Variants in STAB2 observed in about 807,000 individuals in gnomAD.
The protein encoded by STAB2 is stabilin-2.
Under a neutral mutation model 338.1 loss-of-function variants are expected in STAB2, and 288 were observed. The observed-to-expected ratio is 0.85, with a 90% CI of 0.77 to 0.94. The LOEUF (loss-of-function observed/expected upper bound fraction) is 0.94. STAB2 is among the 40% of genes least tolerant of loss of function. STAB2 has a pLI of 0.00. For missense variants in STAB2, 3,141 were observed against 3,210.1 expected (o/e 0.98, Z 0.52); for synonymous variants, 1,202 against 1,193.3 (o/e 1.01, Z -0.15).
chr12:103,695,971 A>G (rs183375086), intron 33 of STAB2, 127 bp downstream of exon 33: 384 of 865,852 alleles, frequency 4.4e-4, no homozygotes, highest in Middle Eastern at 2.7e-3. Flanking sequence ...CTTGACGTAG[A>G]CTGGTGCAGA....
chr12:103,683,754 G>GA (rs1877145554), intron 26 of STAB2, among the ~76,000 whole-genome samples: 1 of 152,204 alleles, frequency 6.6e-6, no homozygotes, highest in African/African-American at 2.4e-5. Context: ...AGTTATCGGT[G>GA]AAAATGCCCA....
chr12:103,594,618 G>A, intron 3 of STAB2, 108 bp downstream of exon 3: 1 of 908,272 alleles, frequency 1.1e-6, no homozygotes, highest in Admixed American at 2.1e-5. Context: ...ACATCCGTTT[G>A]TAGAAATTTC....
chr12:103,734,036 G>T (rs767282155), intron 51 of STAB2, among the ~76,000 whole-genome samples: 2 of 143,430 alleles, frequency 1.4e-5, no homozygotes, highest in Non-Finnish European at 3.0e-5. Flanking sequence ...AGGAACAAGC[G>T]CGATCATATG....
In STAB2 at chr12:103,711,488, T is replaced by G; in HGVS notation, c.4306T>G (p.Cys1436Gly). Reference protein sequence around the residue: ...HCDNATTEDNCNGTCHTSANC... With the variant: ...HCDNATTEDNGNGTCHTSANC... Reference sequence around the variant, plus strand: ...TTTTTCAGCAACCACAGAAGACAACTGCAATGGGACATGCCATACCAGCGC... The same window carrying G: ...TTTTTCAGCAACCACAGAAGACAACGGCAATGGGACATGCCATACCAGCGC... The change falls in exon 40 of 69, where the codon TGC becomes GGC. Residue 1436 changes from cysteine to glycine, a missense_variant. By Grantham distance (159) the Cys-to-Gly change is radical. Coordinates refer to ENST00000388887, the MANE Select transcript of STAB2 (RefSeq NM_017564.10). 6.2e-7 allele frequency: 1 copy of G among 1,614,076 alleles called. No individual in the cohort carries two copies. Among genetic ancestry groups the G allele is most frequent in the Non-Finnish European group, 8.5e-7 (1 of 1,180,010 alleles).
At chr12:103,593,738 T>C (rs1418743927) in intron 2 of STAB2, among the ~76,000 whole-genome samples, 2 of 152,328 alleles carry the variant, frequency 1.3e-5, no homozygotes, top group Non-Finnish European at 2.9e-5. Flanking sequence ...TTATGAAGGA[T>C]TGTCTCTAGA....
At position 103,748,836 on chromosome 12, in the gene STAB2, A is replaced by G. The variant is rs1593327359; in HGVS notation, c.6245-127A>G. The G allele has an allele frequency of 1.7e-5, 16 of 950,254 alleles. No individual in the cohort carries two copies. The East Asian group carries it at 3.4e-4, about 20-fold the overall frequency. The allele number at this position is 950,254 out of a possible 1,614,324, so 58.9% of individuals were successfully genotyped here. ...AGAGGCCACAGGGCATGGAGAGAGA[A>G]GCACGAACACGCAGGGGCCCATTTA... On this transcript the variant is annotated intron_variant, in intron 58 of 68. Transcript: ENST00000388887.
At chr12:103,699,950 G>A (rs1250728384) in intron 34 of STAB2, among the ~76,000 whole-genome samples, 1 of 152,194 alleles carries the variant, frequency 6.6e-6, no homozygotes. Flanking sequence ...CTAATTCCCA[G>A]GAAGTGGTGT....
intron 9 of STAB2, 106 bp from the exon 10 acceptor site, chr12:103,648,583 AC>A: frequency 1.4e-6 from 2 of 1,465,728 alleles, no homozygotes; most frequent in Non-Finnish European, 1.8e-6. Flanking sequence ...TCCCTATTCA[AC>A]CCTGGGCATC....
At chr12:103,667,341 C>T (rs1875208735) in intron 19 of STAB2, among the ~76,000 whole-genome samples, 2 of 152,172 alleles carry the variant, frequency 1.3e-5, no homozygotes, top group South Asian at 4.1e-4. Flanking sequence ...TGCTGTGTGC[C>T]AGACATTGTT....
intron 50 of STAB2, among the ~76,000 whole-genome samples, chr12:103,732,037 A>C (rs1167764674): frequency 6.6e-6 from 1 of 152,252 alleles, no homozygotes; most frequent in Non-Finnish European, 1.5e-5. Context: ...TGGCAGGCAC[A>C]GTGGCTCACA....
chr12:103,675,807 C>T (rs1876288509), intron 23 of STAB2, 121 bp from the exon 24 acceptor site: 3 of 689,058 alleles, frequency 4.4e-6, no homozygotes, highest in South Asian at 4.1e-5. Flanking sequence ...GCGCTGGCTT[C>T]CTCCACAGGA....
chr12:103,663,170 T>A (rs1020577204), intron 18 of STAB2, among the ~76,000 whole-genome samples, 172 bp downstream of exon 18: 3 of 152,212 alleles, frequency 2.0e-5, no homozygotes, highest in Admixed American at 6.5e-5. Context: ...TCCCACCTCA[T>A]AAACTGTGAA....
At chr12:103,705,542 G>A in intron 36 of STAB2, 90 bp from the exon 37 acceptor site, 2 of 1,010,554 alleles carry the variant, frequency 2.0e-6, no homozygotes, top group South Asian at 1.4e-5. Flanking sequence ...TAGTCAGAGA[G>A]ACAGCAATGC....
intron 17 of STAB2, among the ~76,000 whole-genome samples, chr12:103,661,001 G>A (rs778855747): frequency 2.0e-5 from 3 of 152,178 alleles, no homozygotes; most frequent in Non-Finnish European, 4.4e-5. Flanking sequence ...CAGCAGGGAA[G>A]ACAGACTTTA....
chr12:103,672,703 A>T (rs944617830), intron 22 of STAB2, among the ~76,000 whole-genome samples: 1 of 152,102 alleles, frequency 6.6e-6, no homozygotes. Context: ...GAAAATCTCC[A>T]TGTCCTTCTT....
intron 12 of STAB2, among the ~76,000 whole-genome samples, chr12:103,653,002 A>G (rs1593185204): frequency 2.0e-5 from 3 of 152,326 alleles, no homozygotes; most frequent in South Asian, 2.1e-4. Flanking sequence ...AAACTTTGCT[A>G]TAAACCTGTT....
intron 5 of STAB2, among the ~76,000 whole-genome samples, chr12:103,624,123 C>T (rs1242384544): frequency 1.3e-5 from 2 of 152,184 alleles, no homozygotes; most frequent in Non-Finnish European, 2.9e-5. Flanking sequence ...ACACATCCCA[C>T]CCCCATAAGT....
intron 44 of STAB2, among the ~76,000 whole-genome samples, chr12:103,720,231 T>A (rs1354444118): frequency 6.6e-6 from 1 of 152,136 alleles, no homozygotes; most frequent in East Asian, 1.9e-4. Flanking sequence ...TAAAAAAAAA[T>A]GGCCACCTTG....
At chr12:103,765,086 C>CAAAA (rs56002429) in intron 68 of STAB2, among the ~76,000 whole-genome samples, 3 of 66,512 alleles carry the variant, frequency 4.5e-5, no homozygotes, top group African/African-American at 1.3e-4. Flanking sequence ...GACTCTGTCT[C>CAAAA]AAAAAAAAAA....
Sources: gnomAD v4.1 joint callset for allele counts (sites outside exome capture counted in the v4.1 genomes callset) on GRCh38, gnomAD v4.1.1 for gene constraint, MANE v1.5 for transcripts, NCBI Gene and HGNC (gene_info 2026-07-23, HGNC 2026-07-21) for gene names.